NASP: variants seen among roughly 807,000 people sequenced by gnomAD.
The protein encoded by NASP is NASP histone chaperone.
NASP carries 24 observed loss-of-function variants against 89.5 expected under a neutral mutation model. That is an observed-to-expected ratio of 0.27 (90% CI 0.19 to 0.38). The LOEUF (loss-of-function observed/expected upper bound fraction) is 0.38. Ranked by LOEUF, NASP falls within the 10% of genes least tolerant of loss-of-function variation. NASP has a pLI of 1.00. For synonymous variants in NASP, 306 were observed against 324.7 expected, an observed-to-expected ratio of 0.94 and a Z score of 0.62; for missense variants, 848 against 921.4, an observed-to-expected ratio of 0.92 and a Z score of 1.03.
In NASP at chr1:45,614,338, T is replaced by C. The variant is rs1557666118; in HGVS notation, c.1638T>C (p.Leu546=). 2 of 1,613,994 alleles carry C rather than the reference T, an allele frequency of 1.2e-6. No homozygotes were observed. Among genetic ancestry groups the C allele is most frequent in the Non-Finnish European group, 1.7e-6 (2 of 1,179,842 alleles). ...EAQLYAAQAH[L]KLGEVSVESE... Reference sequence around the variant, plus strand: ...AGCTTTATGCTGCCCAGGCACATCTTAAACTCGGAGAAGTTAGTGTTGAAT... The same window carrying C: ...AGCTTTATGCTGCCCAGGCACATCTCAAACTCGGAGAAGTTAGTGTTGAAT... Residue 546 remains leucine (L), a synonymous_variant, in exon 9 of 15, where the codon CTT becomes CTC. Transcript: ENST00000350030.
intron 14 of NASP, 134 bp downstream of exon 14, chr1:45,617,725 G>A (rs960492938): frequency 1.3e-5 from 14 of 1,117,466 alleles, no homozygotes; most frequent in South Asian, 6.8e-5. Context: ...CACAGAAAAC[G>A]GTACTTGTGC....
chr1:45,617,239 C>G lies in NASP; in HGVS notation c.2158-224C>G, dbSNP rs41272135. On this transcript the variant is annotated intron_variant, in intron 13 of 14. Transcript: ENST00000350030. ...TCACATCTCCTCACCCCAACCCTAT[C>G]TCCCTGTGCTTCCGGTAGAGGGGCC... 4.7e-3 allele frequency: 2,292 copies of G among 486,204 alleles called. 12 individuals carry two copies. Among genetic ancestry groups the G allele is most frequent in the Non-Finnish European group, 6.1e-3 (1,685 of 275,230 alleles). The allele number at this position is 486,204 out of a possible 1,614,324, so 30.1% of individuals were successfully genotyped here.
At chr1:45,616,204 C>G (rs1644102615) in intron 11 of NASP, 133 bp from the exon 12 acceptor site, 2 of 792,950 alleles carry the variant, frequency 2.5e-6, no homozygotes, top group African/African-American at 1.7e-5. Flanking sequence ...AGGGGTAGAA[C>G]TGGATACTAT....
At chr1:45,606,403 T>C (rs1643908856) in intron 4 of NASP, 79 bp from the exon 5 acceptor site, 2 of 938,512 alleles carry the variant, frequency 2.1e-6, no homozygotes, top group South Asian at 2.8e-5. Flanking sequence ...TTTTATAATA[T>C]AGGACTGTAT....
At chr1:45,616,563 T>G (rs758200418) in intron 12 of NASP, 63 bp from the exon 13 acceptor site, 6 of 1,563,678 alleles carry the variant, frequency 3.8e-6, no homozygotes, top group Non-Finnish European at 5.3e-6. Flanking sequence ...TAAAAAATTA[T>G]AAAAGCCTCA....
At chr1:45,594,590 G>A (rs929026249) in intron 2 of NASP, 13 of 383,802 alleles carry the variant, frequency 3.4e-5, no homozygotes, top group Admixed American at 2.7e-4. Flanking sequence ...CTGCAGCCTT[G>A]ACCTTCCCTG....
At chr1:45,616,486 A>G in intron 12 of NASP, 93 bp downstream of exon 12, 2 of 1,509,506 alleles carry the variant, frequency 1.3e-6, no homozygotes, top group South Asian at 1.1e-5. Flanking sequence ...CAAGGCAGGA[A>G]GATTGCCTGA....
intron 6 of NASP, chr1:45,611,246 C>G (rs1266574007): frequency 1.3e-5 from 2 of 152,128 alleles, no homozygotes; most frequent in Non-Finnish European, 2.9e-5. Flanking sequence ...CTATTCTTAC[C>G]TGGTATCTCT....
At chr1:45,595,194 A>G (rs1044662888) in intron 2 of NASP, among the ~76,000 whole-genome samples, 1 of 141,596 alleles carries the variant, frequency 7.1e-6, no homozygotes, top group Non-Finnish European at 1.5e-5. Flanking sequence ...TGTGTTTTAG[A>G]GACAGGGTCT....
At position 45,613,562 on chromosome 1, in the gene NASP, T is replaced by G. The variant is rs549084945; in HGVS notation, c.1506+314T>G. On this transcript the variant is annotated intron_variant, in intron 7 of 14. Transcript: ENST00000350030. ...ACTGGCATGATCAGGGCTCACTGTATCTTTAGCCTCCTGGGTTCAAGGAAT... is the reference window on the plus strand; with the variant it reads ...ACTGGCATGATCAGGGCTCACTGTAGCTTTAGCCTCCTGGGTTCAAGGAAT... Among the ~76,000 whole-genome samples the G allele has an allele frequency of 2.0e-5, 3 of 152,320 alleles. No homozygotes were observed. In the South Asian group the frequency reaches 6.2e-4, roughly 32 times the overall value.
At chr1:45,612,256 C>T (rs1265444649) in intron 6 of NASP, 1 of 152,130 alleles carries the variant, frequency 6.6e-6, no homozygotes, top group Non-Finnish European at 1.5e-5. Flanking sequence ...CTGACGATTG[C>T]TCTAAGTCCT....
intron 1 of NASP, among the ~76,000 whole-genome samples, chr1:45,586,301 GT>G (rs1447721688): frequency 3.4e-4 from 44 of 129,868 alleles, no homozygotes; most frequent in African/African-American, 1.2e-3. Context: ...GTGTGTGTGT[GT>G]GTGTGTGGTG....
Position 45,618,113 on chromosome 1 carries a change from G to C in NASP, c.2339G>C (p.Gly780Ala), listed in dbSNP as rs374820739. ...RAAVEGTVEA[G>A]ATVESTAC ...GCAGTGGAGGGGACAGTGGAGGCTGGAGCTACAGTTGAAAGCACTGCATGT... is the reference window on the plus strand; with the variant it reads ...GCAGTGGAGGGGACAGTGGAGGCTGCAGCTACAGTTGAAAGCACTGCATGT... The change falls in exon 15 of 15, where the codon GGA becomes GCA. Residue 780 changes from glycine to alanine, a missense_variant. Coordinates refer to ENST00000350030, the MANE Select transcript of NASP (RefSeq NM_002482.4). 50 of 1,600,710 alleles carry C rather than the reference G, an allele frequency of 3.1e-5. 1 individual carries two copies. In the African/African-American group the frequency reaches 5.2e-4, roughly 17 times the overall value.
intron 11 of NASP, 35 bp from the exon 12 acceptor site, chr1:45,616,302 T>C (rs755903873): frequency 6.2e-7 from 1 of 1,607,222 alleles, no homozygotes. Context: ...CTGGGTTCTA[T>C]CTTCAAACTA....
chr1:45,606,448 A>G, intron 4 of NASP, 34 bp from the exon 5 acceptor site: 1 of 1,529,064 alleles, frequency 6.5e-7, no homozygotes, highest in Admixed American at 1.7e-5. Flanking sequence ...GGTTCTAGCC[A>G]TCAAACCTTT....
At chr1:45,614,857 ATT>A in intron 9 of NASP, 154 bp from the exon 10 acceptor site, 1 of 704,986 alleles carries the variant, frequency 1.4e-6, no homozygotes, top group East Asian at 2.8e-5. Context: ...TTTAAAAGTC[ATT>A]TTGACTTTCT....
intron 2 of NASP, among the ~76,000 whole-genome samples, chr1:45,599,951 GTATTTTT>G (rs1170516547): frequency 6.9e-5 from 7 of 101,944 alleles, no homozygotes; most frequent in African/African-American, 3.0e-4. Context: ...CTTTTCCTCT[GTATTTTT>G]TTTTTTTTTT....
At chr1:45,590,948 T>G (rs1479143917) in intron 1 of NASP, among the ~76,000 whole-genome samples, 1 of 152,210 alleles carries the variant, frequency 6.6e-6, no homozygotes, top group Admixed American at 6.5e-5. Flanking sequence ...ATGGCCCAGA[T>G]AGCTTACAAC....
In NASP at chr1:45,616,359, T is replaced by C. The variant is rs769177455; in HGVS notation, c.2045T>C (p.Phe682Ser). 2 of 1,614,214 alleles carry C rather than the reference T, an allele frequency of 1.2e-6. No homozygotes were observed. Among genetic ancestry groups the C allele is most frequent in the Non-Finnish European group, 1.7e-6 (2 of 1,180,022 alleles). ...CAGGTGGAGAGTTCTACTTCAGGTT[T>C]CACTCCTGGTGGAGGAGGCTCTTCA... The part of the protein sequence containing the change: ...ATLVESSTSG[F>S]TPGGGGSSVS... The change falls in exon 12 of 15, where the codon TTC becomes TCC. Residue 682 changes from phenylalanine to serine, a missense_variant. By Grantham distance (155) the Phe-to-Ser change is radical. Around this residue, in one of 5 missense-constraint regions of NASP, gnomAD observed 218 missense variants for 219.6 expected, o/e 0.99. Transcript: ENST00000350030.
Sources: allele counts gnomAD v4.1 joint callset (sites outside exome capture counted in the v4.1 genomes callset), GRCh38; gene constraint gnomAD v4.1.1; regional missense constraint gnomAD v4.1.1; transcripts MANE v1.5; gene names NCBI Gene and HGNC (gene_info 2026-07-23, HGNC 2026-07-21).